CDH11: variants seen among roughly 807,000 people sequenced by gnomAD.
CDH11 encodes the protein cadherin-11.
A neutral mutation model predicts 67.8 loss-of-function variants in CDH11; 11 were observed. The ratio of observed to expected loss-of-function variants is 0.16; its 90% CI spans 0.10 to 0.27. The LOEUF (loss-of-function observed/expected upper bound fraction) is 0.27. Ranked by LOEUF, CDH11 falls within the 10% of genes least tolerant of loss-of-function variation. The pLI, the probability that CDH11 is intolerant of heterozygous loss-of-function variation, is 1.00. For missense variants in CDH11, 847 were observed against 1,031.2 expected (o/e 0.82, Z 2.45); for synonymous variants, 419 against 400.0 (o/e 1.05, Z -0.57).
In CDH11 at chr16:65,045,701, G is replaced by A. The variant is rs143010845; in HGVS notation, c.-173+8103C>T. 2.0e-4 allele frequency among the ~76,000 whole-genome samples: 31 copies of A among 152,252 alleles called. No homozygotes were observed. The East Asian group carries it at 3.5e-3, about 17-fold the overall frequency. The stretch of plus-strand genomic sequence containing the variant: ...CTCAAGAATCACGTAGGGACAGAGA[G>A]TACAGGCGGAGTCAGTAAATACGTG... On this transcript the variant is annotated intron_variant, in intron 2 of 12. Coordinates refer to ENST00000268603, the MANE Select transcript of CDH11 (RefSeq NM_001797.4).
chr16:65,012,586 T>C (rs1320841602), intron 2 of CDH11, among the ~76,000 whole-genome samples: 1 of 152,198 alleles, frequency 6.6e-6, no homozygotes, highest in Non-Finnish European at 1.5e-5. Context: ...CTCTGAGTCA[T>C]TTAAATAGCA....
chr16:65,060,605 A>G (rs979009200), intron 1 of CDH11, among the ~76,000 whole-genome samples: 4 of 152,144 alleles, frequency 2.6e-5, no homozygotes, highest in Admixed American at 2.0e-4. Flanking sequence ...TAGGGTGAAC[A>G]AAGCAACCAG....
intron 2 of CDH11, among the ~76,000 whole-genome samples, chr16:65,040,998 T>C (rs2073857162): frequency 1.3e-5 from 2 of 152,210 alleles, no homozygotes; most frequent in East Asian, 3.9e-4. Context: ...CAGTAGCTAC[T>C]ATTTTTAGAA....
At position 65,083,273 on chromosome 16, in the gene CDH11, T is replaced by C. The variant is rs1226379354; in HGVS notation, c.-297-29345A>G. Among the ~76,000 whole-genome samples the C allele has an allele frequency of 4.6e-5, 7 of 152,310 alleles. No individual in the cohort carries two copies. In the South Asian group the frequency reaches 1.2e-3, roughly 27 times the overall value. On this transcript the variant is annotated intron_variant, in intron 1 of 12. Coordinates refer to ENST00000268603, the MANE Select transcript of CDH11 (RefSeq NM_001797.4). The stretch of plus-strand genomic sequence containing the variant: ...GGTATCAGGCTGCCTGGTTCCAATC[T>C]ATGCAGTGGGGATGCAAAGAAGAGT...
Position 65,014,395 on chromosome 16 carries a change from C to T in CDH11, c.-172-9354G>A, listed in dbSNP as rs2073251527. ...ATGCCCCAAAATCGTATCATTTTAA[C>T]ATGGAATCAATATATACATTCTCAA... is the stretch of plus-strand genomic sequence containing the variant. On this transcript the variant is annotated intron_variant, in intron 2 of 12. Coordinates refer to ENST00000268603, the MANE Select transcript of CDH11 (RefSeq NM_001797.4). 3.9e-5 allele frequency among the ~76,000 whole-genome samples: 6 copies of T among 152,264 alleles called. No individual in the cohort carries two copies. The South Asian group carries it at 1.0e-3, about 26-fold the overall frequency.
At chr16:65,097,123 CAG>C (rs1294943251) in intron 1 of CDH11, among the ~76,000 whole-genome samples, 9 of 152,092 alleles carry the variant, frequency 5.9e-5, no homozygotes, top group African/African-American at 2.2e-4. Flanking sequence ...TTTACATACA[CAG>C]AGACAAACAC....
intron 2 of CDH11, among the ~76,000 whole-genome samples, chr16:65,048,296 G>A (rs1908723): frequency 0.45 from 68,678 of 152,046 alleles, 16,533 homozygotes; most frequent in East Asian, 0.78. Flanking sequence ...CTGTTAGTAT[G>A]AATTCAAATT....
chr16:65,115,726 A>C (rs913460167), intron 1 of CDH11, among the ~76,000 whole-genome samples: 2 of 150,454 alleles, frequency 1.3e-5, no homozygotes, highest in Non-Finnish European at 2.9e-5. Context: ...AAAAAACAAA[A>C]AAACAAAACC....
intron 11 of CDH11, among the ~76,000 whole-genome samples, chr16:64,966,989 A>T (rs150409898): frequency 6.6e-6 from 1 of 152,206 alleles, no homozygotes; most frequent in Admixed American, 6.5e-5. Context: ...AATAATTATT[A>T]AAAACACCTG....
Position 64,993,110 on chromosome 16 carries a change from C to T in CDH11, c.524-76G>A, listed in dbSNP as rs542997320. The T allele has an allele frequency of 5.5e-6, 7 of 1,264,986 alleles. No homozygotes were observed. In the Admixed American group the frequency reaches 1.0e-4, roughly 19 times the overall value. The allele number at this position is 1,264,986 out of a possible 1,614,324, so 78.4% of individuals were successfully genotyped here. A position where few individuals can be genotyped will look rare whatever the true frequency, so the allele number is the denominator to read the frequency against. The stretch of plus-strand genomic sequence containing the variant: ...ATGTTCTTGTTTACAAAGTTTTATT[C>T]TAAAATTAACCCTGAAGAAGGCACC... On this transcript the variant is annotated intron_variant, in intron 4 of 12. Coordinates refer to ENST00000268603, the MANE Select transcript of CDH11 (RefSeq NM_001797.4).
intron 1 of CDH11, among the ~76,000 whole-genome samples, chr16:65,067,247 A>C (rs1422576949): frequency 6.6e-6 from 1 of 152,152 alleles, no homozygotes; most frequent in African/African-American, 2.4e-5. Flanking sequence ...GAATCCTTTG[A>C]ATTTTTACAG....
chr16:65,081,377 G>A (rs890962262), intron 1 of CDH11, among the ~76,000 whole-genome samples: 2 of 152,086 alleles, frequency 1.3e-5, no homozygotes, highest in South Asian at 2.1e-4. Context: ...GACCATCCTG[G>A]CTAACATGGT....
At chr16:65,090,873 C>T (rs931310767) in intron 1 of CDH11, among the ~76,000 whole-genome samples, 1 of 152,146 alleles carries the variant, frequency 6.6e-6, no homozygotes. Context: ...CCATTCTTTT[C>T]CAAACACTCC....
intron 2 of CDH11, among the ~76,000 whole-genome samples, chr16:65,037,766 C>T (rs896689232): frequency 1.4e-4 from 21 of 151,836 alleles, no homozygotes; most frequent in African/African-American, 4.8e-4. Flanking sequence ...GAGAAGAAAC[C>T]CAAGAGGAGC....
chr16:64,978,865 T>C (rs1487785449), intron 8 of CDH11, among the ~76,000 whole-genome samples: 1 of 152,120 alleles, frequency 6.6e-6, no homozygotes. Flanking sequence ...TTCATGACTT[T>C]AGATTAGACA....
chr16:65,091,793 C>T (rs2074797477), intron 1 of CDH11, among the ~76,000 whole-genome samples: 2 of 152,086 alleles, frequency 1.3e-5, no homozygotes, highest in Admixed American at 1.3e-4. Context: ...CCTCGTGATC[C>T]ACCCGAGATT....
intron 7 of CDH11, 41 bp downstream of exon 7, chr16:64,988,116 G>T: frequency 1.3e-6 from 2 of 1,508,630 alleles, no homozygotes; most frequent in Non-Finnish European, 1.8e-6. Flanking sequence ...TGGCAGAGCA[G>T]GCCATACCAC....
At position 64,991,880 on chromosome 16, in the gene CDH11, G is replaced by A. The variant is rs747795906; in HGVS notation, c.699C>T (p.His233=). Reference sequence around the variant, plus strand: ...CCATGTCCTTGGCCTGGATCACCACGTGGTACTCCTCCTTGGCCTCCCTGT... The same window carrying A: ...CCATGTCCTTGGCCTGGATCACCACATGGTACTCCTCCTTGGCCTCCCTGT... ...NMDREAKEEY[H]VVIQAKDMGG... is the part of the protein sequence containing the mutation. Residue 233 remains histidine, a synonymous_variant, in exon 6 of 13, where the codon CAC becomes CAT. Coordinates refer to ENST00000268603, the MANE Select transcript of CDH11 (RefSeq NM_001797.4). 3 of 1,613,848 alleles carry A rather than the reference G, an allele frequency of 1.9e-6. No homozygotes were observed. The highest frequency in any genetic ancestry group is 1.1e-5 in the South Asian group (1 of 91,062).
At chr16:64,957,168 T>C (rs2071537278) in intron 11 of CDH11, among the ~76,000 whole-genome samples, 2 of 152,072 alleles carry the variant, frequency 1.3e-5, no homozygotes, top group Non-Finnish European at 2.9e-5. Context: ...TCCCTAAGGC[T>C]CTGCAGATGC....
Sources: allele counts gnomAD v4.1 joint callset (sites outside exome capture counted in the v4.1 genomes callset), GRCh38; gene constraint gnomAD v4.1.1; transcripts MANE v1.5; gene names NCBI Gene and HGNC (gene_info 2026-07-23, HGNC 2026-07-21).